The following SHANK2 variants were observed in gnomAD, a reference collection of about 807,000 sequenced individuals.
The protein encoded by SHANK2 is SH3 and multiple ankyrin repeat domains 2.
SHANK2 carries 43 observed loss-of-function variants against 133.7 expected under a neutral mutation model. The observed-to-expected ratio is 0.32, with a 90% CI of 0.25 to 0.41. SHANK2 has a LOEUF of 0.41. SHANK2 is among the 10% of genes least tolerant of loss of function. The pLI is 1.00. For missense variants in SHANK2, 1,994 were observed against 2,235.8 expected (o/e 0.89, Z 2.18); for synonymous variants, 1,017 against 952.8 (o/e 1.07, Z -1.24).
intron 10 of SHANK2, among the ~76,000 whole-genome samples, chr11:70,907,321 C>T (rs1346173211): frequency 3.3e-5 from 5 of 152,166 alleles, no homozygotes; most frequent in Non-Finnish European, 7.3e-5. Context: ...CCTCAGCACC[C>T]CTCCCATGGC....
intron 2 of SHANK2, among the ~76,000 whole-genome samples, chr11:71,215,968 TG>T (rs1240410138): frequency 6.6e-6 from 1 of 151,514 alleles, no homozygotes; most frequent in Non-Finnish European, 1.5e-5. Context: ...AGAAGAGAGA[TG>T]GGAACAGAAG....
At chr11:70,539,528 G>A (rs1259901240) in intron 17 of SHANK2, among the ~76,000 whole-genome samples, 2 of 131,498 alleles carry the variant, frequency 1.5e-5, no homozygotes, top group African/African-American at 2.7e-5. Flanking sequence ...CGCTCACCAC[G>A]CTCACTCGCC....
intron 10 of SHANK2, among the ~76,000 whole-genome samples, chr11:70,905,622 GA>G (rs1295894687): frequency 6.6e-6 from 1 of 152,052 alleles, no homozygotes; most frequent in Non-Finnish European, 1.5e-5. Flanking sequence ...AGTGCCCTTG[GA>G]AAAGAGGCTG....
intron 14 of SHANK2, among the ~76,000 whole-genome samples, chr11:70,712,170 C>T (rs1407599546): frequency 1.3e-5 from 2 of 152,198 alleles, no homozygotes; most frequent in Non-Finnish European, 2.9e-5. Context: ...ACTGCCTCCA[C>T]CTTCAAAGCC....
intron 17 of SHANK2, among the ~76,000 whole-genome samples, chr11:70,549,481 G>A (rs2059737309): frequency 6.6e-6 from 1 of 152,212 alleles, no homozygotes; most frequent in South Asian, 2.1e-4. Context: ...ATGGGACATC[G>A]ACTAGGACGG....
intron 11 of SHANK2, among the ~76,000 whole-genome samples, chr11:70,879,616 T>G (rs1555072046): frequency 6.6e-6 from 1 of 152,220 alleles, no homozygotes; most frequent in Non-Finnish European, 1.5e-5. Flanking sequence ...CTTTTGCATA[T>G]TAACAAAAAT....
intron 14 of SHANK2, among the ~76,000 whole-genome samples, chr11:70,793,612 A>T (rs1312736595): frequency 6.6e-6 from 1 of 152,210 alleles, no homozygotes; most frequent in African/African-American, 2.4e-5. Flanking sequence ...GAAAAATGCA[A>T]ATTACACCCA....
intron 17 of SHANK2, among the ~76,000 whole-genome samples, chr11:70,611,838 T>A (rs1554994286): frequency 6.6e-6 from 1 of 152,040 alleles, no homozygotes; most frequent in African/African-American, 2.4e-5. Flanking sequence ...TGCCTTCGTT[T>A]CTACTGAAAA....
At chr11:70,674,412 G>A (rs1187414485) in intron 15 of SHANK2, among the ~76,000 whole-genome samples, 1 of 151,342 alleles carries the variant, frequency 6.6e-6, no homozygotes, top group Non-Finnish European at 1.5e-5. Flanking sequence ...AGCTTGGCAT[G>A]ATCTTGGCTC....
intron 14 of SHANK2, among the ~76,000 whole-genome samples, chr11:70,704,166 C>A (rs940044797): frequency 1.3e-5 from 2 of 152,238 alleles, no homozygotes; most frequent in Non-Finnish European, 2.9e-5. Flanking sequence ...CCCAGAGAGA[C>A]GGGCGACTGC....
chr11:70,883,143 C>T lies in SHANK2; in HGVS notation c.1174+13358G>A, dbSNP rs113377903. Among the ~76,000 whole-genome samples, 903 of 152,228 alleles carry T rather than the reference C, an allele frequency of 5.9e-3. 8 individuals are homozygous for T. Among genetic ancestry groups the T allele is most frequent in the African/African-American group, 0.021 (882 of 41,540 alleles). The stretch of plus-strand genomic sequence containing the variant: ...GGGCTCCAGGATCCTCATCCTCCTG[C>T]GCCGAAAACGGGGCAGTGAAGGCGC... On this transcript the variant is annotated intron_variant, in intron 11 of 25. Coordinates refer to ENST00000601538, the MANE Select transcript of SHANK2 (RefSeq NM_012309.5).
chr11:71,147,349 G>A lies in SHANK2; in HGVS notation c.-12-11C>T, dbSNP rs1352375652. 1 of 1,537,544 alleles carries A rather than the reference G, an allele frequency of 6.5e-7. No homozygotes were observed. The highest frequency in any genetic ancestry group is 1.2e-5 in the South Asian group (1 of 83,324). ...CATGGCTGCCTGTGTCTTCGAGGTGGGGAGAAGGAAGACAAAGAACGGGAG... is the reference window on the plus strand; with the variant it reads ...CATGGCTGCCTGTGTCTTCGAGGTGAGGAGAAGGAAGACAAAGAACGGGAG... On this transcript the variant is annotated splice_polypyrimidine_tract_variant and intron_variant, in intron 2 of 25. Transcript: ENST00000601538.
chr11:70,475,725 C>A (rs1468160606), intron 25 of SHANK2, among the ~76,000 whole-genome samples: 1 of 152,180 alleles, frequency 6.6e-6, no homozygotes. Flanking sequence ...CCCATCCACC[C>A]ATAGGGTGTT....
chr11:70,573,330 G>C (rs1343745132), intron 17 of SHANK2, among the ~76,000 whole-genome samples: 1 of 106,112 alleles, frequency 9.4e-6, no homozygotes, highest in Non-Finnish European at 1.9e-5. Flanking sequence ...GGGGGGGGGG[G>C]GCGGGGGCAG....
chr11:70,721,428 G>A (rs782212876), intron 14 of SHANK2, among the ~76,000 whole-genome samples: 4 of 152,382 alleles, frequency 2.6e-5, no homozygotes, highest in Middle Eastern at 3.4e-3. Context: ...GGGGCAGGCC[G>A]TGTGTACAGG....
At chr11:70,695,886 G>A (rs12271269) in intron 15 of SHANK2, among the ~76,000 whole-genome samples, 8,973 of 152,260 alleles carry the variant, frequency 0.059, 894 homozygotes, top group African/African-American at 0.2. Flanking sequence ...CTCGCCATGG[G>A]AGTACTGGAG....
intron 17 of SHANK2, among the ~76,000 whole-genome samples, chr11:70,656,777 G>C (rs1555011742): frequency 6.6e-6 from 1 of 152,210 alleles, no homozygotes; most frequent in Non-Finnish European, 1.5e-5. Flanking sequence ...CTCCCGATCT[G>C]GAGATAGCTC....
chr11:71,171,667 A>T (rs782034153), intron 2 of SHANK2, among the ~76,000 whole-genome samples: 6 of 152,116 alleles, frequency 3.9e-5, no homozygotes, highest in Non-Finnish European at 8.8e-5. Flanking sequence ...CCCTGCCTCC[A>T]GTCCCCTCAG....
rs143804215 is a variant in SHANK2, at chr11:70,951,364, G to T, written c.1108-54797C>A. ...ACGTCATAAATTCATTTCCCCTGGC[G>T]GCTGGGTGGTGATGTCATAAATTCA... On this transcript the variant is annotated intron_variant, in intron 10 of 25. Coordinates refer to ENST00000601538, the MANE Select transcript of SHANK2 (RefSeq NM_012309.5). 6.4e-4 allele frequency among the ~76,000 whole-genome samples: 63 copies of T among 98,260 alleles called. 1 individual carries two copies. In the East Asian group the frequency reaches 8.4e-3, roughly 13 times the overall value. 64.5% of individuals were successfully genotyped at this position (98,260 alleles called of 152,430 possible). A position where few individuals can be genotyped will look rare whatever the true frequency, so the allele number is the denominator to read the frequency against.
Sources: allele counts gnomAD v4.1 joint callset (sites outside exome capture counted in the v4.1 genomes callset), GRCh38; gene constraint gnomAD v4.1.1; transcripts MANE v1.5; gene names NCBI Gene and HGNC (gene_info 2026-07-23, HGNC 2026-07-21).